Variants in LRRFIP1 observed in about 807,000 individuals in gnomAD.
LRRFIP1 encodes LRR binding FLII interacting protein 1.
In LRRFIP1, 62 loss-of-function variants were observed where a neutral mutation model predicts 104.4. The ratio of observed to expected loss-of-function variants is 0.59; its 90% CI spans 0.48 to 0.73. LRRFIP1 has a LOEUF of 0.73. Among genes scored for constraint, LRRFIP1 ranks in the 30% least tolerant of loss-of-function variants. The pLI is 0.00. For missense variants in LRRFIP1, 796 were observed against 824.5 expected (o/e 0.97, Z 0.42); for synonymous variants, 300 against 299.0 (o/e 1.00, Z -0.03).
intron 1 of LRRFIP1, among the ~76,000 whole-genome samples, chr2:237,669,300 G>A (rs2089980988): frequency 6.6e-6 from 1 of 152,330 alleles, no homozygotes; most frequent in South Asian, 2.1e-4. Flanking sequence ...CTGAAAGGGT[G>A]TATCAGTTTA....
Position 237,760,156 on chromosome 2 carries a change from G to T in LRRFIP1, c.1410G>T (p.Met470Ile). 6.2e-7 allele frequency: 1 copy of T among 1,614,114 alleles called. No individual in the cohort carries two copies. Among genetic ancestry groups the T allele is most frequent in the Admixed American group, 1.7e-5 (1 of 60,022 alleles). ...TTGGATACCAAGGTCCTACCAAGAT[G>T]ACAAAAGAAGAGTTAAATGCCCTCA... ...NNVGYQGPTK[M>I]TKEELNALKS... Residue 470 changes from methionine (M) to isoleucine (I), a missense_variant, in exon 19 of 24, where the codon ATG (methionine) becomes ATT (isoleucine). Met to Ile is a conservative substitution (Grantham distance 10). Coordinates refer to ENST00000308482, the MANE Select transcript of LRRFIP1 (RefSeq NM_001137550.2).
intron 23 of LRRFIP1, among the ~76,000 whole-genome samples, chr2:237,775,326 G>A (rs1254020583): frequency 1.3e-5 from 2 of 152,214 alleles, no homozygotes; most frequent in Non-Finnish European, 2.9e-5. Context: ...AGGGGAGCTC[G>A]GGGCAAGGCA....
chr2:237,719,514 C>G lies in LRRFIP1; in HGVS notation c.250-9C>G. On this transcript the variant is annotated splice_polypyrimidine_tract_variant and intron_variant, in intron 4 of 23. Coordinates refer to ENST00000308482, the MANE Select transcript of LRRFIP1 (RefSeq NM_001137550.2). ...CTCTAACCTTTTCATGCTGTTTCTT[C>G]ATTGTTAGGAAGACAGTGAGCGCTA... 1 of 1,611,902 alleles carries G rather than the reference C, an allele frequency of 6.2e-7. No homozygotes were observed. The highest frequency in any genetic ancestry group is 8.5e-7 in the Non-Finnish European group (1 of 1,178,292).
intron 14 of LRRFIP1, 91 bp from the exon 15 acceptor site, chr2:237,753,218 G>T (rs966075861): frequency 2.1e-6 from 2 of 959,154 alleles, no homozygotes. Context: ...TCTAAGTTTA[G>T]GACTGAGGGT....
chr2:237,645,429 TG>T (rs999516449), intron 1 of LRRFIP1, among the ~76,000 whole-genome samples: 3 of 148,636 alleles, frequency 2.0e-5, no homozygotes, highest in Non-Finnish European at 4.6e-5. Context: ...TGCTCACTGC[TG>T]GGGACATGGA....
At chr2:237,758,485 G>A (rs2059524714) in intron 17 of LRRFIP1, among the ~76,000 whole-genome samples, 1 of 152,228 alleles carries the variant, frequency 6.6e-6, no homozygotes, top group Non-Finnish European at 1.5e-5. Flanking sequence ...CCCGTGCTGT[G>A]TCCGTGTGCT....
intron 19 of LRRFIP1, chr2:237,762,675 C>G (rs761152143): frequency 1.2e-6 from 2 of 1,613,992 alleles, no homozygotes; most frequent in South Asian, 2.2e-5. Flanking sequence ...TTGCACAATA[C>G]TGAGAAAGAA....
chr2:237,777,578 G>T (rs868458807), intron 23 of LRRFIP1, among the ~76,000 whole-genome samples: 1 of 151,946 alleles, frequency 6.6e-6, no homozygotes, highest in African/African-American at 2.4e-5. Context: ...TTTAACGGTC[G>T]GTCCTTTGTA....
rs1173620235 is a variant in LRRFIP1 at position 237,691,422 on chromosome 2, A to G, written c.97-17122A>G. On this transcript the variant is annotated intron_variant, in intron 1 of 23. Transcript: ENST00000308482. This position sits in a 1 kb window ranked among gnomAD's most constrained non-coding sequence, Gnocchi z 5.4. The stretch of plus-strand genomic sequence containing the variant: ...TGTGGACCCCGGGTTCTGCGACGCC[A>G]GATCGGCCCCAGCGGCCCGCACCCG... 6.6e-6 allele frequency among the ~76,000 whole-genome samples: 1 copy of G among 152,166 alleles called. No individual in the cohort carries two copies. Among genetic ancestry groups the G allele is most frequent in the East Asian group, 1.9e-4 (1 of 5,180 alleles).
At chr2:237,754,570 T>C (rs1473695510) in intron 15 of LRRFIP1, among the ~76,000 whole-genome samples, 1 of 152,190 alleles carries the variant, frequency 6.6e-6, no homozygotes, top group African/African-American at 2.4e-5. Flanking sequence ...TGAGTGTCGT[T>C]GTTGTTGTTG....
intron 6 of LRRFIP1, among the ~76,000 whole-genome samples, chr2:237,723,302 C>A: frequency 6.6e-6 from 1 of 152,192 alleles, no homozygotes; most frequent in East Asian, 1.9e-4. Flanking sequence ...CAAACTGTTT[C>A]AGACTTTGTG....
chr2:237,717,096 A>C lies in LRRFIP1; in HGVS notation c.202-666A>C, dbSNP rs1375369263. Among the ~76,000 whole-genome samples, 1 of 152,094 alleles carries C rather than the reference A, an allele frequency of 6.6e-6. No homozygotes were observed. The highest frequency in any genetic ancestry group is 2.4e-5 in the African/African-American group (1 of 41,402). On this transcript the variant is annotated intron_variant, in intron 3 of 23. Coordinates refer to ENST00000308482, the MANE Select transcript of LRRFIP1 (RefSeq NM_001137550.2). This position sits in a 1 kb window ranked among gnomAD's most constrained non-coding sequence, Gnocchi z 4.2. ...AAGACACTTCTTCCAGTGTGGTCCAAGGAAGCCAAAAGATTGGACACCCCT... is the reference window on the plus strand; with the variant it reads ...AAGACACTTCTTCCAGTGTGGTCCACGGAAGCCAAAAGATTGGACACCCCT...
At chr2:237,776,026 G>A (rs1012096841) in intron 23 of LRRFIP1, among the ~76,000 whole-genome samples, 3 of 151,464 alleles carry the variant, frequency 2.0e-5, no homozygotes, top group Admixed American at 6.6e-5. Flanking sequence ...GTGCAATGGC[G>A]CCATCTCGGC....
intron 23 of LRRFIP1, among the ~76,000 whole-genome samples, chr2:237,778,375 G>A (rs1327310860): frequency 6.6e-6 from 1 of 152,088 alleles, no homozygotes; most frequent in Non-Finnish European, 1.5e-5. Flanking sequence ...CCAGCTTAGG[G>A]CACCCCACTC....
Position 237,781,089 on chromosome 2 carries a change from C to A in LRRFIP1, c.*1557C>A, listed in dbSNP as rs2061420559. On this transcript the variant is annotated 3_prime_UTR_variant, in exon 24 of 24. Transcript: ENST00000308482. ...AAGCCCCTCAGGGACCCTGTGCTGA[C>A]CATGCTGGGCCCACCGGCAAAAGGG... Among the ~76,000 whole-genome samples the A allele has an allele frequency of 6.6e-6, 1 of 151,904 alleles. No homozygotes were observed. Among genetic ancestry groups the A allele is most frequent in the Admixed American group, 6.5e-5 (1 of 15,270 alleles).
At chr2:237,756,267 C>A in intron 16 of LRRFIP1, 80 bp downstream of exon 16, 3 of 1,018,484 alleles carry the variant, frequency 2.9e-6, no homozygotes, top group Non-Finnish European at 3.0e-6. Context: ...TTAGCTTAGG[C>A]TGCAGTAATA....
chr2:237,777,628 G>A (rs1420116386), intron 23 of LRRFIP1, among the ~76,000 whole-genome samples: 1 of 151,796 alleles, frequency 6.6e-6, no homozygotes, highest in African/African-American at 2.4e-5. Context: ...TTCAGGTTCT[G>A]TTTGTCTTTG....
At chr2:237,641,435 T>G (rs2083953745) in intron 1 of LRRFIP1, among the ~76,000 whole-genome samples, 1 of 147,486 alleles carries the variant, frequency 6.8e-6, no homozygotes, top group Non-Finnish European at 1.5e-5. Context: ...AGGTAGAGGT[T>G]GCAATGAGCT....
In LRRFIP1 at chr2:237,755,923, G is replaced by C. The variant is rs181327573; in HGVS notation, c.1039-172G>C. ...TACTCCAGCCTGGACAACAGAGCAA[G>C]ACTCCATCTCAAAAAAATATATAAA... On this transcript the variant is annotated intron_variant, in intron 15 of 23. Transcript: ENST00000308482. Among the ~76,000 whole-genome samples the C allele has an allele frequency of 4.6e-5, 7 of 152,288 alleles. No individual in the cohort carries two copies. The East Asian group carries it at 1.4e-3, about 29-fold the overall frequency.
Sources: allele counts gnomAD v4.1 joint callset (sites outside exome capture counted in the v4.1 genomes callset), GRCh38; gene constraint gnomAD v4.1.1; non-coding constraint Gnocchi (gnomAD v3.1); transcripts MANE v1.5; gene names NCBI Gene and HGNC (gene_info 2026-07-23, HGNC 2026-07-21).